The following RAB27A variants were observed in gnomAD, a reference collection of about 807,000 sequenced individuals.
RAB27A encodes RAB27A, member RAS oncogene family, also known as ras-related protein Rab-27A.
RAB27A carries 17 observed loss-of-function variants against 20.8 expected under a neutral mutation model. The ratio of observed to expected loss-of-function variants is 0.82; its 90% confidence interval spans 0.56 to 1.23. RAB27A has a LOEUF of 1.23. Ranked by LOEUF, RAB27A falls within the 50% of genes most tolerant of loss-of-function variation. The pLI is 0.00. For synonymous variants in RAB27A, 85 were observed against 92.8 expected, an observed-to-expected ratio of 0.92 and a Z score of 0.48; for missense variants, 277 against 266.7, an observed-to-expected ratio of 1.04 and a Z score of -0.27.
rs564834795 is a variant in RAB27A, at chr15:55,312,928, A to C, written c.-112+1111T>G. ...ATGTGCCACAATTGAGCAGAAACTT[A>C]CAACTGCTCTCCATCTCTCTCTCTC... On this transcript the variant is annotated intron_variant, in intron 2 of 5. Transcript: ENST00000563262. Among the ~76,000 whole-genome samples the C allele has an allele frequency of 3.5e-4, 53 of 152,302 alleles. No homozygotes were observed. The South Asian group carries it at 4.8e-3, about 14-fold the overall frequency.
chr15:55,215,945 C>CAAAAAAAAAAAA (rs1162706734), intron 6 of RAB27A, among the ~76,000 whole-genome samples: 1 of 52,890 alleles, frequency 1.9e-5, no homozygotes, highest in African/African-American at 6.9e-5. Flanking sequence ...GACGCCGTCT[C>CAAAAAAAAAAAA]AAAAAAAAAA....
At chr15:55,244,077 G>A (rs948750823) in intron 2 of RAB27A, among the ~76,000 whole-genome samples, 1 of 152,148 alleles carries the variant, frequency 6.6e-6, no homozygotes, top group Non-Finnish European at 1.5e-5. Flanking sequence ...GAGGCAGATG[G>A]ATCACTTGAG....
intron 2 of RAB27A, among the ~76,000 whole-genome samples, chr15:55,295,172 A>G (rs1192429172): frequency 2.6e-5 from 4 of 152,142 alleles, no homozygotes; most frequent in Non-Finnish European, 5.9e-5. Flanking sequence ...GTTGGAAAGA[A>G]AGAAAAAGCA....
At chr15:55,262,619 T>C (rs1382909309) in intron 2 of RAB27A, among the ~76,000 whole-genome samples, 4 of 139,110 alleles carry the variant, frequency 2.9e-5, no homozygotes, top group Non-Finnish European at 6.0e-5. Flanking sequence ...GGTAGTCTTA[T>C]CTCTTTTTTT....
At chr15:55,251,416 T>C (rs1218552697) in intron 2 of RAB27A, among the ~76,000 whole-genome samples, 1 of 152,118 alleles carries the variant, frequency 6.6e-6, no homozygotes, top group Non-Finnish European at 1.5e-5. Flanking sequence ...AGAAGCAGCA[T>C]CGACCATGGG....
In RAB27A at chr15:55,304,497, T is replaced by C. The variant is rs561876486; in HGVS notation, c.-112+9542A>G. Among the ~76,000 whole-genome samples the C allele has an allele frequency of 3.7e-3, 561 of 150,678 alleles. 1 individual carries two copies. The highest frequency in any genetic ancestry group is 6.2e-3 in the Non-Finnish European group (421 of 67,852). On this transcript the variant is annotated intron_variant, in intron 2 of 5. Coordinates refer to the RAB27A transcript ENST00000563262. ...TTAAAAAAAAGAAAAAAAAAAGTCA[T>C]CTCCACTAGTAATCATTCTCCATCC...
chr15:55,215,525 G>A (rs1308513676), intron 6 of RAB27A, among the ~76,000 whole-genome samples: 1 of 150,932 alleles, frequency 6.6e-6, no homozygotes. Flanking sequence ...GGTAGCGGGC[G>A]CCTGTAGTCC....
intron 2 of RAB27A, among the ~76,000 whole-genome samples, chr15:55,303,639 G>A (rs1228719612): frequency 5.0e-5 from 5 of 99,580 alleles, no homozygotes; most frequent in African/African-American, 2.0e-4. Context: ...CCGGCCAGCC[G>A]CCCCGTCCGG....
intron 2 of RAB27A, among the ~76,000 whole-genome samples, chr15:55,268,119 C>T (rs1897570149): frequency 6.6e-6 from 1 of 151,798 alleles, no homozygotes; most frequent in Admixed American, 6.6e-5. Flanking sequence ...ATAAAATGCC[C>T]TCATGAATAA....
chr15:55,225,675 G>A lies in RAB27A; in HGVS notation c.344-1663C>T, dbSNP rs1205833611. Among the ~76,000 whole-genome samples, 6 of 152,052 alleles carry A rather than the reference G, an allele frequency of 3.9e-5. No homozygotes were observed. The East Asian group carries it at 1.2e-3, about 29-fold the overall frequency. Reference sequence around the variant, plus strand: ...ATTATGGTTAACAGTATTTATTTTGGGTAGTCTAGGAAGTGTGATTATTGG... The same window carrying A: ...ATTATGGTTAACAGTATTTATTTTGAGTAGTCTAGGAAGTGTGATTATTGG... On this transcript the variant is annotated intron_variant, in intron 5 of 6. Transcript: ENST00000336787.
intron 6 of RAB27A, among the ~76,000 whole-genome samples, chr15:55,213,136 A>T (rs1168919589): frequency 6.6e-6 from 1 of 152,244 alleles, no homozygotes; most frequent in Non-Finnish European, 1.5e-5. Context: ...GTTCTTAGAT[A>T]TCAAAACAAC....
intron 1 of RAB27A, among the ~76,000 whole-genome samples, chr15:55,284,762 T>G (rs1248277982): frequency 6.6e-6 from 1 of 152,116 alleles, no homozygotes; most frequent in East Asian, 1.9e-4. Flanking sequence ...GGTTCCAGAG[T>G]CCCACTTCCA....
chr15:55,245,778 C>A (rs1896661761), intron 2 of RAB27A, among the ~76,000 whole-genome samples: 1 of 152,146 alleles, frequency 6.6e-6, no homozygotes, highest in South Asian at 2.1e-4. Flanking sequence ...GTTCTTCAGA[C>A]AAAAAATAAA....
intron 2 of RAB27A, among the ~76,000 whole-genome samples, chr15:55,303,873 G>C (rs1431913527): frequency 7.0e-6 from 1 of 142,592 alleles, no homozygotes; most frequent in African/African-American, 2.8e-5. Flanking sequence ...CAGCCGGCCC[G>C]TCCGGGAGGT....
intron 6 of RAB27A, among the ~76,000 whole-genome samples, chr15:55,210,111 CAT>C (rs1388889245): frequency 3.3e-4 from 47 of 141,666 alleles, no homozygotes; most frequent in Non-Finnish European, 5.7e-4. Context: ...TATATACACA[CAT>C]ACACATATGT....
intron 1 of RAB27A, among the ~76,000 whole-genome samples, chr15:55,281,694 G>A (rs1041486536): frequency 6.6e-6 from 1 of 150,656 alleles, no homozygotes; most frequent in African/African-American, 2.4e-5. Flanking sequence ...GGGAAGGGAA[G>A]GAAGAAGAGA....
intron 2 of RAB27A, among the ~76,000 whole-genome samples, chr15:55,262,599 T>C (rs1897313656): frequency 6.6e-6 from 1 of 150,498 alleles, no homozygotes; most frequent in African/African-American, 2.4e-5. Flanking sequence ...TGAATAGACA[T>C]GGTGATACAG....
intron 1 of RAB27A, among the ~76,000 whole-genome samples, chr15:55,282,469 A>G (rs564566093): frequency 1.3e-5 from 2 of 152,306 alleles, no homozygotes; most frequent in South Asian, 2.1e-4. Flanking sequence ...ATGATGACTC[A>G]GGGTGAGGTT....
At chr15:55,262,856 A>T (rs1175703486) in intron 2 of RAB27A, among the ~76,000 whole-genome samples, 2 of 152,098 alleles carry the variant, frequency 1.3e-5, no homozygotes, top group Non-Finnish European at 2.9e-5. Context: ...CGCCCAGCCC[A>T]GTCTCGTCAT....
Sources: allele counts gnomAD v4.1 joint callset (sites outside exome capture counted in the v4.1 genomes callset), GRCh38; gene constraint gnomAD v4.1.1; transcripts MANE v1.5; gene names NCBI Gene and HGNC (gene_info 2026-07-23, HGNC 2026-07-21).